PDE4D: variants seen among roughly 807,000 people sequenced by gnomAD.
The protein encoded by PDE4D is 3',5'-cyclic-AMP phosphodiesterase 4D.
A neutral mutation model predicts 87.4 loss-of-function variants in PDE4D; 24 were observed. The observed-to-expected ratio is 0.27, with a 90% CI of 0.20 to 0.39. The LOEUF (loss-of-function observed/expected upper bound fraction) is 0.39, where lower values mean the gene tolerates loss of function less well. Ranked by LOEUF, PDE4D falls within the 10% of genes least tolerant of loss-of-function variation. PDE4D has a pLI of 1.00. For synonymous variants in PDE4D, 384 were observed against 383.2 expected (o/e 1.00, Z -0.02); for missense variants, 714 against 1,041.0 (o/e 0.69, Z 4.32).
chr5:59,527,038 T>C (rs1377761424), intron 1 of PDE4D, among the ~76,000 whole-genome samples: 3 of 152,164 alleles, frequency 2.0e-5, no homozygotes, highest in East Asian at 3.9e-4. Flanking sequence ...AATTTTAAAA[T>C]TTTTTTCTTC....
intron 1 of PDE4D, among the ~76,000 whole-genome samples, chr5:60,406,434 G>A (rs1238960434): frequency 6.6e-6 from 1 of 152,136 alleles, no homozygotes; most frequent in Non-Finnish European, 1.5e-5. Flanking sequence ...ACTCTCTTCT[G>A]TTTGAGATGC....
rs34724141 is a variant in PDE4D at position 60,367,451 on chromosome 5, C to CAAA, written c.-90+120488_-90+120490dup. 1.1e-3 allele frequency among the ~76,000 whole-genome samples: 140 copies of CAAA among 131,810 alleles called. 2 individuals carry two copies. Among genetic ancestry groups the CAAA allele is most frequent in the East Asian group, 4.9e-3 (22 of 4,524 alleles). The allele number at this position is 131,810 out of a possible 152,430, so 86.5% of individuals were successfully genotyped here. On this transcript the variant is annotated intron_variant, in intron 1 of 16. Transcript: ENST00000502484. ...GGACAACAAGAGCGAAACTCCATAT[C>CAAA]AAAAAAAAAAAAAAATTATACACCA...
At position 59,946,149 on chromosome 5, in the gene PDE4D, G is replaced by C. The variant is rs552795022; in HGVS notation, c.272+42339C>G. On this transcript the variant is annotated intron_variant, in intron 3 of 16. Transcript: ENST00000502484. ...TGGTCCCATACTGGGCTTGGGGGCA[G>C]TATTCTGGTTTAAAATACTCACTCT... Among the ~76,000 whole-genome samples the C allele has an allele frequency of 2.0e-5, 3 of 152,296 alleles. No individual in the cohort carries two copies. The East Asian group carries it at 5.8e-4, about 29-fold the overall frequency.
chr5:59,216,030 A>C, intron 1 of PDE4D, 62 bp from the exon 2 acceptor site: 1 of 1,253,886 alleles, frequency 8.0e-7, no homozygotes, highest in Non-Finnish European at 1.1e-6. Flanking sequence ...ATTTTCAAAA[A>C]GCATTTAGCG....
intron 3 of PDE4D, among the ~76,000 whole-genome samples, chr5:59,952,272 A>C (rs1460872129): frequency 1.3e-5 from 2 of 152,036 alleles, no homozygotes; most frequent in Non-Finnish European, 2.9e-5. Flanking sequence ...TCTTTTCTTT[A>C]TAAATTACCC....
rs542097162 is a variant in PDE4D, at chr5:59,586,902, T to G, written c.455+306266A>C. On this transcript the variant is annotated intron_variant, in intron 1 of 14. Transcript: ENST00000340635. ...CTTCTTTCTTAGGCACATATTCATGTATGGTCACTTTAACGCAGTGCTACC... is the reference window on the plus strand; with the variant it reads ...CTTCTTTCTTAGGCACATATTCATGGATGGTCACTTTAACGCAGTGCTACC... 1.0e-5 allele frequency: 10 copies of G among 985,350 alleles called. No homozygotes were observed. In the South Asian group the frequency reaches 3.3e-4, roughly 32 times the overall value. 61.0% of individuals were successfully genotyped at this position (985,350 alleles called of 1,614,324 possible). A position where few individuals can be genotyped will look rare whatever the true frequency, so the allele number is the denominator to read the frequency against.
intron 1 of PDE4D, among the ~76,000 whole-genome samples, chr5:59,486,762 A>C (rs145525688): frequency 0.016 from 2,391 of 152,276 alleles, 77 homozygotes; most frequent in African/African-American, 0.055. Context: ...TACAAAGTAC[A>C]TAGGAGACAT....
chr5:59,039,419 C>T (rs892083736), intron 5 of PDE4D: 10 of 995,066 alleles, frequency 1.0e-5, no homozygotes, highest in African/African-American at 1.7e-5. Flanking sequence ...GTCCCCAACC[C>T]GGAGCCGCGG....
chr5:60,380,126 C>G (rs1761745479), intron 1 of PDE4D, among the ~76,000 whole-genome samples: 1 of 152,116 alleles, frequency 6.6e-6, no homozygotes, highest in Admixed American at 6.6e-5. Context: ...TAAAAATGAG[C>G]TTACGTGACT....
intron 1 of PDE4D, among the ~76,000 whole-genome samples, chr5:59,255,506 T>C (rs915917765): frequency 4.6e-5 from 7 of 152,046 alleles, no homozygotes; most frequent in African/African-American, 9.7e-5. Context: ...ATGTTCTACA[T>C]TGATTTTGGT....
At chr5:60,346,619 A>T (rs1258776897) in intron 1 of PDE4D, among the ~76,000 whole-genome samples, 1 of 152,130 alleles carries the variant, frequency 6.6e-6, no homozygotes, top group Non-Finnish European at 1.5e-5. Context: ...AACAGCCATG[A>T]TGCAGGAATC....
At chr5:60,278,250 T>A (rs1751565094) in intron 1 of PDE4D, among the ~76,000 whole-genome samples, 1 of 152,198 alleles carries the variant, frequency 6.6e-6, no homozygotes, top group Non-Finnish European at 1.5e-5. Context: ...CTTTCTGGTC[T>A]CCATGGTTTC....
At chr5:59,961,566 G>A (rs1269666306) in intron 3 of PDE4D, among the ~76,000 whole-genome samples, 1 of 152,100 alleles carries the variant, frequency 6.6e-6, no homozygotes, top group Admixed American at 6.6e-5. Context: ...TTATATGGCA[G>A]CCTCAGGAAA....
intron 2 of PDE4D, among the ~76,000 whole-genome samples, chr5:60,111,363 A>G (rs1777666219): frequency 6.6e-6 from 1 of 152,040 alleles, no homozygotes; most frequent in African/African-American, 2.4e-5. Flanking sequence ...CAACAATAAT[A>G]TTAATGATAC....
chr5:59,185,726 C>A (rs751706807), intron 3 of PDE4D, among the ~76,000 whole-genome samples: 6 of 152,126 alleles, frequency 3.9e-5, no homozygotes, highest in Middle Eastern at 3.2e-3. Context: ...GTTTTTCTAC[C>A]TTTGCCACAT....
intron 1 of PDE4D, among the ~76,000 whole-genome samples, chr5:60,259,418 A>G (rs1418361779): frequency 6.6e-6 from 1 of 152,074 alleles, no homozygotes; most frequent in African/African-American, 2.4e-5. Flanking sequence ...TATCAGACAG[A>G]ATCAAGGTAA....
intron 5 of PDE4D, among the ~76,000 whole-genome samples, chr5:59,135,433 T>G (rs1776910445): frequency 6.6e-6 from 1 of 152,196 alleles, no homozygotes; most frequent in African/African-American, 2.4e-5. Context: ...GGGTTGATGG[T>G]CATAACCATT....
intron 2 of PDE4D, among the ~76,000 whole-genome samples, chr5:60,105,850 G>C (rs1170350134): frequency 6.6e-6 from 1 of 152,272 alleles, no homozygotes; most frequent in Non-Finnish European, 1.5e-5. Flanking sequence ...AAGAGCTCCA[G>C]AAGGAAGCAC....
chr5:60,097,865 T>C (rs1021149057), intron 2 of PDE4D, among the ~76,000 whole-genome samples: 1 of 151,954 alleles, frequency 6.6e-6, no homozygotes, highest in Non-Finnish European at 1.5e-5. Context: ...CAGAAGGAAC[T>C]AGATATTTAC....
Sources: allele counts gnomAD v4.1 joint callset (sites outside exome capture counted in the v4.1 genomes callset), GRCh38; gene constraint gnomAD v4.1.1; transcripts MANE v1.5; gene names NCBI Gene and HGNC (gene_info 2026-07-23, HGNC 2026-07-21).